The following DLGAP2 variants were observed in gnomAD, a reference collection of about 807,000 sequenced individuals.
DLGAP2 encodes DLG associated protein 2.
DLGAP2 carries 26 observed loss-of-function variants against 100.3 expected under a neutral mutation model. The ratio of observed to expected loss-of-function variants is 0.26; its 90% CI spans 0.19 to 0.36. The LOEUF (loss-of-function observed/expected upper bound fraction) is 0.36. Among genes scored for constraint, DLGAP2 ranks in the 10% least tolerant of loss-of-function variants. The probability of loss-of-function intolerance (pLI) is 1.00; values close to 1 mark genes in which losing one functional copy is unlikely to be tolerated. For missense variants in DLGAP2, 1,858 were observed against 1,453.2 expected (o/e 1.28, Z -4.53); for synonymous variants, 886 against 630.1 (o/e 1.41, Z -6.08).
chr8:1,180,699 A>C (rs1232233727), intron 2 of DLGAP2, among the ~76,000 whole-genome samples: 1 of 150,300 alleles, frequency 6.7e-6, no homozygotes, highest in Non-Finnish European at 1.5e-5. Context: ...ATTACCGTCG[A>C]GTGTGTGTGG....
chr8:1,198,037 C>T (rs1563247701), intron 2 of DLGAP2, among the ~76,000 whole-genome samples: 1 of 152,132 alleles, frequency 6.6e-6, no homozygotes, highest in Non-Finnish European at 1.5e-5. Context: ...GGAAATGAGC[C>T]ATGGCCGTGG....
At position 1,281,727 on chromosome 8, in the gene DLGAP2, C is replaced by A. The variant is rs140926722; in HGVS notation, c.106+22844C>A. Among the ~76,000 whole-genome samples the A allele has an allele frequency of 4.5e-4, 69 of 152,316 alleles. No homozygotes were observed. The East Asian group carries it at 0.013, about 29-fold the overall frequency. The stretch of plus-strand genomic sequence containing the variant: ...GAGCTGACCAGGGAGAGGCAGATGT[C>A]CTAGCTCCTTGAAAGCCTTCCCCGG... On this transcript the variant is annotated intron_variant, in intron 3 of 14. Coordinates refer to ENST00000637795, the MANE Select transcript of DLGAP2 (RefSeq NM_001346810.2).
At chr8:766,913 C>T (rs186943624) in intron 1 of DLGAP2, among the ~76,000 whole-genome samples, 6 of 152,136 alleles carry the variant, frequency 3.9e-5, no homozygotes, top group East Asian at 1.9e-4. Context: ...TGTGAAGACC[C>T]GGGTGGGCAA....
intron 1 of DLGAP2, among the ~76,000 whole-genome samples, chr8:796,005 GGCGTCCA>G (rs1563035161): frequency 8.5e-3 from 1,243 of 146,582 alleles, no homozygotes; most frequent in African/African-American, 9.6e-3. Flanking sequence ...AGTGAGAGCA[GGCGTCCA>G]GTGAGAGCAG....
At chr8:1,498,725 G>C (rs574958064) in intron 3 of DLGAP2, among the ~76,000 whole-genome samples, 3 of 152,196 alleles carry the variant, frequency 2.0e-5, no homozygotes, top group Non-Finnish European at 4.4e-5. Context: ...TGTGGTCTCT[G>C]TTTCTCTCTC....
intron 3 of DLGAP2, among the ~76,000 whole-genome samples, chr8:1,497,280 C>T (rs1799576547): frequency 6.6e-6 from 1 of 152,242 alleles, no homozygotes; most frequent in Non-Finnish European, 1.5e-5. Flanking sequence ...AGTTTCACAG[C>T]ACCGATCAGC....
intron 6 of DLGAP2, among the ~76,000 whole-genome samples, chr8:1,584,319 C>T (rs1796045422): frequency 6.6e-6 from 1 of 152,236 alleles, no homozygotes. Flanking sequence ...AGCTGATTCA[C>T]ATTCACCTGA....
At chr8:1,253,956 C>T (rs934938725) in intron 2 of DLGAP2, among the ~76,000 whole-genome samples, 1 of 152,174 alleles carries the variant, frequency 6.6e-6, no homozygotes, top group African/African-American at 2.4e-5. Flanking sequence ...GGGGAAAGCC[C>T]TGAATCTGTG....
At chr8:1,589,897 C>T (rs1038628374) in intron 6 of DLGAP2, among the ~76,000 whole-genome samples, 12 of 152,196 alleles carry the variant, frequency 7.9e-5, no homozygotes, top group Admixed American at 7.2e-4. Context: ...GGGGGATGGA[C>T]TGTACTAGTT....
intron 2 of DLGAP2, among the ~76,000 whole-genome samples, chr8:1,122,671 T>C (rs781363920): frequency 4.6e-5 from 7 of 152,190 alleles, no homozygotes; most frequent in Non-Finnish European, 1.0e-4. Context: ...CTTTGAAGAA[T>C]TATTTTTTAG....
intron 2 of DLGAP2, among the ~76,000 whole-genome samples, chr8:917,374 G>T (rs964145223): frequency 6.6e-6 from 1 of 151,866 alleles, no homozygotes; most frequent in Admixed American, 6.6e-5. Context: ...AAGTAGCTGA[G>T]ACTACAGGTG....
intron 1 of DLGAP2, among the ~76,000 whole-genome samples, chr8:785,013 C>A (rs1488557273): frequency 2.6e-5 from 4 of 151,858 alleles, no homozygotes; most frequent in African/African-American, 9.7e-5. Flanking sequence ...CGAGACCATC[C>A]TGGCTAACAT....
At chr8:1,024,846 AT>A (rs1801745298) in intron 2 of DLGAP2, among the ~76,000 whole-genome samples, 1 of 152,124 alleles carries the variant, frequency 6.6e-6, no homozygotes, top group African/African-American at 2.4e-5. Context: ...AAGAACCGAG[AT>A]GTGACTCCAT....
chr8:1,061,040 C>G (rs546549005), intron 2 of DLGAP2, among the ~76,000 whole-genome samples: 1 of 152,322 alleles, frequency 6.6e-6, no homozygotes, highest in African/African-American at 2.4e-5. Context: ...GCAGTTCCCC[C>G]ACGTGGGCAG....
intron 2 of DLGAP2, among the ~76,000 whole-genome samples, chr8:1,125,135 C>A (rs554773857): frequency 1.3e-5 from 2 of 152,306 alleles, no homozygotes; most frequent in African/African-American, 2.4e-5. Flanking sequence ...CCAAGATTGA[C>A]TTTAAATATT....
At chr8:748,945 C>G (rs1426533421) in intron 1 of DLGAP2, among the ~76,000 whole-genome samples, 1 of 152,248 alleles carries the variant, frequency 6.6e-6, no homozygotes, top group Non-Finnish European at 1.5e-5. Flanking sequence ...CTATTTTGCT[C>G]TCTCTGTATC....
At chr8:1,217,799 T>C (rs1798242725) in intron 2 of DLGAP2, among the ~76,000 whole-genome samples, 1 of 152,214 alleles carries the variant, frequency 6.6e-6, no homozygotes. Flanking sequence ...ATAGCCATTC[T>C]GACTGGTGTG....
intron 1 of DLGAP2, among the ~76,000 whole-genome samples, chr8:793,822 C>T (rs534597312): frequency 2.1e-4 from 32 of 152,180 alleles, no homozygotes; most frequent in Non-Finnish European, 3.8e-4. Context: ...TTTACAGAAC[C>T]AAGGACAACA....
At chr8:1,080,820 C>T (rs553621501) in intron 2 of DLGAP2, among the ~76,000 whole-genome samples, 13 of 152,158 alleles carry the variant, frequency 8.5e-5, no homozygotes, top group African/African-American at 1.9e-4. Context: ...ACTCACTCAG[C>T]GCTCTGAGGA....
Sources: allele counts gnomAD v4.1 joint callset (sites outside exome capture counted in the v4.1 genomes callset), GRCh38; gene constraint gnomAD v4.1.1; transcripts MANE v1.5; gene names NCBI Gene and HGNC (gene_info 2026-07-23, HGNC 2026-07-21).